STIM2: variants seen among roughly 807,000 people sequenced by gnomAD.
STIM2 encodes the protein stromal interaction molecule 2.
In STIM2, 31 loss-of-function variants were observed where a neutral mutation model predicts 85.8. The ratio of observed to expected loss-of-function variants is 0.36; its 90% CI spans 0.27 to 0.49. STIM2 has a LOEUF of 0.49. Among genes scored for constraint, STIM2 ranks in the 20% least tolerant of loss-of-function variants. The pLI, the probability that STIM2 is intolerant of heterozygous loss-of-function variation, is 0.98. For missense variants in STIM2, 841 were observed against 927.6 expected, an observed-to-expected ratio of 0.91 and a Z score of 1.21; for synonymous variants, 356 against 331.1, an observed-to-expected ratio of 1.08 and a Z score of -0.82.
At chr4:26,970,021 G>C (rs373563597) in intron 3 of STIM2, among the ~76,000 whole-genome samples, 1 of 151,300 alleles carries the variant, frequency 6.6e-6, no homozygotes, top group East Asian at 1.9e-4. Context: ...AAATATAAAA[G>C]TAATCTTTTT....
At chr4:26,948,032 A>G (rs80328900) in intron 2 of STIM2, among the ~76,000 whole-genome samples, 1,619 of 152,322 alleles carry the variant, frequency 0.011, 10 homozygotes, top group African/African-American at 0.017. Context: ...CTAATTTACA[A>G]AAGCAAAAAG....
intron 1 of STIM2, among the ~76,000 whole-genome samples, chr4:26,906,446 T>G (rs1436025916): frequency 7.1e-6 from 1 of 140,364 alleles, no homozygotes; most frequent in Non-Finnish European, 1.6e-5. Context: ...GTTTGTTTTT[T>G]TTTTTTTTTT....
intron 3 of STIM2, among the ~76,000 whole-genome samples, chr4:26,964,951 G>T (rs779241977): frequency 6.6e-5 from 10 of 152,156 alleles, no homozygotes; most frequent in Non-Finnish European, 7.3e-5. Flanking sequence ...AGTGAGAGAC[G>T]CTGTGCTAGA....
At chr4:26,961,815 A>C (rs1367844391) in intron 3 of STIM2, among the ~76,000 whole-genome samples, 1 of 151,976 alleles carries the variant, frequency 6.6e-6, no homozygotes, top group African/African-American at 2.4e-5. Flanking sequence ...CCCAGGCCGG[A>C]GTGCAGTGGT....
intron 7 of STIM2, 91 bp from the exon 8 acceptor site, chr4:27,007,442 T>G (rs1577493492): frequency 1.7e-6 from 1 of 603,862 alleles, no homozygotes; most frequent in East Asian, 4.7e-5. Context: ...TAAAATAGCT[T>G]TTTTTTTTTT....
chr4:26,992,022 A>G (rs182425216), intron 3 of STIM2, among the ~76,000 whole-genome samples: 136 of 152,220 alleles, frequency 8.9e-4, no homozygotes, highest in African/African-American at 2.9e-3. Context: ...AACAGCATCT[A>G]TAAAAGATCA....
chr4:27,019,294 T>G (rs1728834691), intron 11 of STIM2: 1 of 543,624 alleles, frequency 1.8e-6, no homozygotes, highest in African/African-American at 2.0e-5. Context: ...GTGCAGCATA[T>G]TCCTAAGGAG....
chr4:26,876,430 T>G (rs1415316063), intron 1 of STIM2, among the ~76,000 whole-genome samples: 1 of 152,174 alleles, frequency 6.6e-6, no homozygotes, highest in Non-Finnish European at 1.5e-5. Context: ...GGTTGCATTT[T>G]AAAAGTCTTA....
At chr4:26,978,385 T>A (rs1399392416) in intron 3 of STIM2, among the ~76,000 whole-genome samples, 1 of 151,262 alleles carries the variant, frequency 6.6e-6, no homozygotes, top group East Asian at 1.9e-4. Flanking sequence ...TCAAACTATC[T>A]TAATTTAAAA....
chr4:27,023,436 G>A lies in STIM2; in HGVS notation c.*440G>A. 1 of 156,060 alleles carries A rather than the reference G, an allele frequency of 6.4e-6. No individual in the cohort carries two copies. Among genetic ancestry groups the A allele is most frequent in the Admixed American group, 6.2e-5 (1 of 16,174 alleles). The allele number at this position is 156,060 out of a possible 1,614,324, so 9.7% of individuals were successfully genotyped here. ...TCCTGGACTATATAACTTAAAAGAAGTAAAACGTAATTGCACTACTGTTTT... is the reference window on the plus strand; with the variant it reads ...TCCTGGACTATATAACTTAAAAGAAATAAAACGTAATTGCACTACTGTTTT... On this transcript the variant is annotated 3_prime_UTR_variant, in exon 12 of 12. Transcript: ENST00000467087.
rs563867859 is a variant in STIM2, at chr4:27,025,324, T to G, written c.*2328T>G. 6.6e-6 allele frequency: 1 copy of G among 152,050 alleles called. No homozygotes were observed. Among genetic ancestry groups the G allele is most frequent in the South Asian group, 2.1e-4 (1 of 4,806 alleles). 9.4% of individuals were successfully genotyped at this position (152,050 alleles called of 1,614,324 possible). A position where few individuals can be genotyped will look rare whatever the true frequency, so the allele number is the denominator to read the frequency against. On this transcript the variant is annotated 3_prime_UTR_variant, in exon 12 of 12. Coordinates refer to ENST00000467087, the MANE Select transcript of STIM2 (RefSeq NM_020860.4). The stretch of plus-strand genomic sequence containing the variant: ...TTTTTAAAATTATCCATTTGTTACT[T>G]TAACATTTTAAAATTATGGTGTTTT...
intron 2 of STIM2, among the ~76,000 whole-genome samples, chr4:26,948,690 GT>G (rs1306788173): frequency 6.6e-6 from 1 of 152,050 alleles, no homozygotes; most frequent in Non-Finnish European, 1.5e-5. Flanking sequence ...AAATTAGAAT[GT>G]TTTGGTGCTA....
intron 1 of STIM2, among the ~76,000 whole-genome samples, chr4:26,877,321 C>T (rs1002529046): frequency 1.3e-5 from 2 of 152,082 alleles, no homozygotes; most frequent in East Asian, 1.9e-4. Flanking sequence ...ATTTGACTCT[C>T]TTACAGTTTT....
intron 1 of STIM2, among the ~76,000 whole-genome samples, chr4:26,893,859 T>C (rs1399472954): frequency 6.6e-6 from 1 of 152,124 alleles, no homozygotes; most frequent in Admixed American, 6.5e-5. Flanking sequence ...CTTCTGTTCA[T>C]TTTTTTATTG....
intron 3 of STIM2, among the ~76,000 whole-genome samples, chr4:26,970,189 TAG>T (rs1726883274): frequency 5.9e-5 from 8 of 136,412 alleles, no homozygotes; most frequent in African/African-American, 2.2e-4. Context: ...GTTTCGGTTT[TAG>T]TGTGTGTGTA....
intron 1 of STIM2, among the ~76,000 whole-genome samples, chr4:26,862,694 A>T (rs74652879): frequency 0.035 from 5,382 of 152,248 alleles, 187 homozygotes; most frequent in African/African-American, 0.089. Context: ...AAACCTACCA[A>T]TTGGGTAACT....
At position 27,024,709 on chromosome 4, in the gene STIM2, T is replaced by A. The variant is rs1343482789; in HGVS notation, c.*1713T>A. 6.6e-6 allele frequency: 1 copy of A among 152,186 alleles called. No homozygotes were observed. The highest frequency in any genetic ancestry group is 1.5e-5 in the Non-Finnish European group (1 of 68,032). The allele number at this position is 152,186 out of a possible 1,614,324, so 9.4% of individuals were successfully genotyped here. On this transcript the variant is annotated 3_prime_UTR_variant, in exon 12 of 12. Coordinates refer to ENST00000467087, the MANE Select transcript of STIM2 (RefSeq NM_020860.4). ...ATAGCGTTTTGCACTAATGATAAGA[T>A]AACCTGAGAGGTAGGGTTGAGGAAC...
intron 1 of STIM2, among the ~76,000 whole-genome samples, chr4:26,862,602 G>A (rs1722261169): frequency 6.6e-6 from 1 of 152,176 alleles, no homozygotes; most frequent in Non-Finnish European, 1.5e-5. Context: ...TTTGGAGGAT[G>A]TAGAGTATAG....
rs546909356 is a variant in STIM2 at position 26,947,815 on chromosome 4, AAAT to A, written c.283-9791_283-9789del. Among the ~76,000 whole-genome samples the A allele has an allele frequency of 1.5e-3, 228 of 152,284 alleles. 1 individual carries two copies. Among genetic ancestry groups the A allele is most frequent in the Middle Eastern group, 0.014 (4 of 294 alleles). On this transcript the variant is annotated intron_variant, in intron 2 of 11. Transcript: ENST00000467087. Reference sequence around the variant, plus strand: ...ACTGTACTTTGCACACATGAAAAAAAAATAATAAAAGTTGTTCCAGAGGCAACT... The same window carrying A: ...ACTGTACTTTGCACACATGAAAAAAAAATAAAAGTTGTTCCAGAGGCAACT...
Sources: allele counts gnomAD v4.1 joint callset (sites outside exome capture counted in the v4.1 genomes callset), GRCh38; gene constraint gnomAD v4.1.1; transcripts MANE v1.5; gene names NCBI Gene and HGNC (gene_info 2026-07-23, HGNC 2026-07-21).